Variants in GRAP2 observed in about 807,000 individuals in gnomAD.
GRAP2 encodes the protein GRB2-related adapter protein 2.
A neutral mutation model predicts 43.5 loss-of-function variants in GRAP2; 31 were observed. The ratio of observed to expected loss-of-function variants is 0.71; its 90% CI spans 0.54 to 0.96. GRAP2 has a LOEUF of 0.96. GRAP2 is among the 40% of genes least tolerant of loss of function. The pLI, the probability that GRAP2 is intolerant of heterozygous loss-of-function variation, is 0.00. For synonymous variants in GRAP2, 156 were observed against 164.8 expected (o/e 0.95, Z 0.41); for missense variants, 371 against 424.4 (o/e 0.87, Z 1.11).
At chr22:39,946,550 T>C (rs1430981938) in intron 1 of GRAP2, among the ~76,000 whole-genome samples, 2 of 152,226 alleles carry the variant, frequency 1.3e-5, no homozygotes, top group African/African-American at 4.8e-5. Context: ...CAAGAACTTC[T>C]TTCTACTCCC....
Position 39,971,130 on chromosome 22 carries a change from AAG to A in GRAP2, c.*49_*50del. 4.1e-6 allele frequency: 6 copies of A among 1,458,916 alleles called. No individual in the cohort carries two copies. Among genetic ancestry groups the A allele is most frequent in the Non-Finnish European group, 4.7e-6 (5 of 1,056,202 alleles). The allele number at this position is 1,458,916 out of a possible 1,614,324, so 90.4% of individuals were successfully genotyped here. On this transcript the variant is annotated 3_prime_UTR_variant, in exon 8 of 8. Coordinates refer to ENST00000344138, the MANE Select transcript of GRAP2 (RefSeq NM_004810.4). ...TTTTTGTCTGGAGCTGCCCACAAGA[AAG>A]AGGGCAAGGAAAAAAGGCTGGACTC... is the stretch of plus-strand genomic sequence containing the variant.
intron 1 of GRAP2, among the ~76,000 whole-genome samples, chr22:39,901,751 C>T (rs1166026580): frequency 6.6e-6 from 1 of 152,218 alleles, no homozygotes; most frequent in Non-Finnish European, 1.5e-5. Flanking sequence ...GGATTTCTCT[C>T]TTTGCTTGAA....
At chr22:39,946,339 T>C (rs1168057677) in intron 1 of GRAP2, among the ~76,000 whole-genome samples, 2 of 152,194 alleles carry the variant, frequency 1.3e-5, no homozygotes, top group Non-Finnish European at 2.9e-5. Context: ...CGCTGCCTCC[T>C]AAAGCACAGC....
upstream of GRAP2, among the ~76,000 whole-genome samples, chr22:39,896,490 G>A (rs904762802): frequency 1.3e-5 from 2 of 152,118 alleles, no homozygotes; most frequent in African/African-American, 2.4e-5. Context: ...ATTCTGCTTC[G>A]GACATTTTGA....
chr22:39,968,287 G>C lies in GRAP2; in HGVS notation c.690+15G>C. 1 of 1,613,028 alleles carries C rather than the reference G, an allele frequency of 6.2e-7. No individual in the cohort carries two copies. The highest frequency in any genetic ancestry group is 2.2e-5 in the East Asian group (1 of 44,874). ...ATTTCCACCAGGTATCTGGAAAGAA[G>C]GCAGTGGGCACAGTACGGTGGAAAG... On this transcript the variant is annotated intron_variant, in intron 6 of 7. Transcript: ENST00000344138.
In GRAP2 at chr22:39,944,513, A is replaced by G. The variant is rs1301390493; in HGVS notation, c.-14-2580A>G. Among the ~76,000 whole-genome samples, 2 of 152,174 alleles carry G rather than the reference A, an allele frequency of 1.3e-5. 1 individual carries two copies. Among genetic ancestry groups the G allele is most frequent in the Non-Finnish European group, 2.9e-5 (2 of 68,014 alleles). ...GGAGCAAACAAATTTTTTCAAAGCG[A>G]TTTTATAAAGAGTGGGCCTGTTTAG... On this transcript the variant is annotated intron_variant, in intron 1 of 7. Transcript: ENST00000344138.
chr22:39,921,170 G>C (rs1431762947), intron 1 of GRAP2, among the ~76,000 whole-genome samples: 1 of 152,154 alleles, frequency 6.6e-6, no homozygotes, highest in African/African-American at 2.4e-5. Flanking sequence ...CTCTAGCAAG[G>C]CAGGAAGCTT....
intron 5 of GRAP2, among the ~76,000 whole-genome samples, 199 bp from the exon 6 acceptor site, chr22:39,967,843 T>C (rs902268921): frequency 6.6e-6 from 1 of 152,150 alleles, no homozygotes; most frequent in Non-Finnish European, 1.5e-5. Context: ...CTCCTAAAAC[T>C]GGGAGGATCT....
At chr22:39,940,734 C>T (rs1224830876) in intron 1 of GRAP2, among the ~76,000 whole-genome samples, 1 of 152,078 alleles carries the variant, frequency 6.6e-6, no homozygotes, top group East Asian at 1.9e-4. Flanking sequence ...CCAGGCTGCT[C>T]AGGAGGAATT....
chr22:39,897,135 C>T (rs950247478), upstream of GRAP2, among the ~76,000 whole-genome samples: 51 of 152,146 alleles, frequency 3.4e-4, no homozygotes, highest in African/African-American at 1.1e-3. Flanking sequence ...CCTCCAAACT[C>T]GTGTATCTAA....
At chr22:39,961,514 G>A (rs2067119661) in intron 4 of GRAP2, among the ~76,000 whole-genome samples, 1 of 152,198 alleles carries the variant, frequency 6.6e-6, no homozygotes. Context: ...CCACAGAACA[G>A]AGGGCCAGGA....
rs768241861 is a variant in GRAP2 at position 39,968,196 on chromosome 22, C to T, written c.614C>T (p.Pro205Leu). The T allele has an allele frequency of 3.0e-5, 48 of 1,609,812 alleles. No individual in the cohort carries two copies. Among genetic ancestry groups the T allele is most frequent in the African/African-American group, 6.7e-5 (5 of 74,866 alleles). ...CAGCACCAGCACCAGCCACAGCCTCCGCAATATGCCCCAGCGCCCCAGCAG... is the reference window on the plus strand; with the variant it reads ...CAGCACCAGCACCAGCCACAGCCTCTGCAATATGCCCCAGCGCCCCAGCAG... Reference protein sequence around the residue: ...LQQHQHQPQPPQYAPAPQQLQ... With the variant: ...LQQHQHQPQPLQYAPAPQQLQ... The change falls in exon 6 of 8, where the codon CCG becomes CTG. Residue 205 changes from proline to leucine, a missense_variant. Transcript: ENST00000344138.
At chr22:39,899,955 C>G (rs904814659), upstream of GRAP2, among the ~76,000 whole-genome samples, 2 of 151,866 alleles carry the variant, frequency 1.3e-5, no homozygotes, top group African/African-American at 4.8e-5. Context: ...CATTGCACTC[C>G]AGCCTGGGCA....
chr22:39,932,109 G>A (rs1433132671), intron 1 of GRAP2, among the ~76,000 whole-genome samples: 4 of 152,162 alleles, frequency 2.6e-5, no homozygotes, highest in Non-Finnish European at 4.4e-5. Flanking sequence ...TGTGGGACAG[G>A]CGTTGCATGA....
At chr22:39,903,406 T>C (rs2066504571) in intron 1 of GRAP2, among the ~76,000 whole-genome samples, 1 of 151,842 alleles carries the variant, frequency 6.6e-6, no homozygotes, top group South Asian at 2.1e-4. Flanking sequence ...TCCTAGCACT[T>C]TGGGAGGCCG....
chr22:39,969,374 G>A (rs2067213931), intron 6 of GRAP2, 37 bp from the exon 7 acceptor site: 1 of 1,611,882 alleles, frequency 6.2e-7, no homozygotes, highest in Non-Finnish European at 8.5e-7. Flanking sequence ...AGATGTCCTG[G>A]CAGTGGGGTG....
At chr22:39,894,116 G>A in the GRAP2 span, among the ~76,000 whole-genome samples, 1 of 151,646 alleles carries the variant, frequency 6.6e-6, no homozygotes, top group East Asian at 1.9e-4. Context: ...GCCAAGGTAA[G>A]CTGATAATGT....
chr22:39,930,562 C>A (rs1357366615), intron 1 of GRAP2, among the ~76,000 whole-genome samples: 1 of 152,182 alleles, frequency 6.6e-6, no homozygotes, highest in Non-Finnish European at 1.5e-5. Flanking sequence ...GTAGTTCAGG[C>A]CCTCATCATT....
At chr22:39,910,766 A>G (rs2066557063) in intron 1 of GRAP2, among the ~76,000 whole-genome samples, 1 of 151,234 alleles carries the variant, frequency 6.6e-6, no homozygotes, top group Non-Finnish European at 1.5e-5. Flanking sequence ...ACCCTAGGAC[A>G]GAGGTTTAAA....
Sources: allele counts gnomAD v4.1 joint callset (sites outside exome capture counted in the v4.1 genomes callset), GRCh38; gene constraint gnomAD v4.1.1; transcripts MANE v1.5; gene names NCBI Gene and HGNC (gene_info 2026-07-23, HGNC 2026-07-21).